The following RAD51B variants were observed in gnomAD, a reference collection of about 807,000 sequenced individuals.
RAD51B encodes RAD51 paralog B.
RAD51B carries 38 observed loss-of-function variants against 42.2 expected under a neutral mutation model. The ratio of observed to expected loss-of-function variants is 0.90; its 90% confidence interval spans 0.70 to 1.18. RAD51B has a LOEUF of 1.18. Among genes scored for constraint, RAD51B ranks in the 50% most tolerant of loss-of-function variants. RAD51B has a pLI of 0.00. For synonymous variants in RAD51B, 154 were observed against 145.2 expected (o/e 1.06, Z -0.43); for missense variants, 373 against 400.7 (o/e 0.93, Z 0.59).
chr14:67,907,392 T>G (rs2043812844), intron 7 of RAD51B, among the ~76,000 whole-genome samples: 1 of 152,106 alleles, frequency 6.6e-6, no homozygotes, highest in East Asian at 1.9e-4. Flanking sequence ...TTATAAAATA[T>G]AGTACCTTAA....
intron 7 of RAD51B, among the ~76,000 whole-genome samples, chr14:67,904,369 G>A (rs1452768095): frequency 1.3e-5 from 2 of 152,094 alleles, no homozygotes; most frequent in Middle Eastern, 3.4e-3. Flanking sequence ...CCTACCAACA[G>A]TGTATAAGCA....
chr14:68,050,268 TTTTTC>T (rs147245086), intron 7 of RAD51B, among the ~76,000 whole-genome samples: 6 of 150,764 alleles, frequency 4.0e-5, no homozygotes, highest in East Asian at 1.9e-4. Context: ...TCTCTTTTCT[TTTTTC>T]TTTTCTTTTC....
chr14:68,093,658 G>T (rs1432262927), intron 7 of RAD51B, among the ~76,000 whole-genome samples: 1 of 152,046 alleles, frequency 6.6e-6, no homozygotes, highest in Non-Finnish European at 1.5e-5. Flanking sequence ...CCAGCTCCTG[G>T]ATTCATTGAT....
chr14:68,108,220 A>G (rs1285561870), intron 7 of RAD51B, among the ~76,000 whole-genome samples: 7 of 152,068 alleles, frequency 4.6e-5, no homozygotes, highest in Middle Eastern at 3.4e-3. Flanking sequence ...CACATTCCTC[A>G]AAAAGTTAAA....
At chr14:68,082,394 A>G (rs1476085621) in intron 7 of RAD51B, among the ~76,000 whole-genome samples, 2 of 152,148 alleles carry the variant, frequency 1.3e-5, no homozygotes, top group Admixed American at 6.5e-5. Flanking sequence ...AAGCCATCTG[A>G]TTAGCCCCCT....
intron 11 of RAD51B, among the ~76,000 whole-genome samples, chr14:68,660,408 A>G (rs1213803618): frequency 6.6e-6 from 1 of 152,230 alleles, no homozygotes; most frequent in Non-Finnish European, 1.5e-5. Context: ...ATTTGTGAGA[A>G]GCTTGGATAA....
At chr14:67,894,831 G>C (rs1284028295) in intron 7 of RAD51B, among the ~76,000 whole-genome samples, 1 of 152,124 alleles carries the variant, frequency 6.6e-6, no homozygotes, top group Non-Finnish European at 1.5e-5. Flanking sequence ...CCAGGCAGGA[G>C]TGCAATGGCG....
intron 9 of RAD51B, among the ~76,000 whole-genome samples, chr14:68,424,391 G>T (rs1277585613): frequency 1.3e-5 from 2 of 152,104 alleles, no homozygotes; most frequent in African/African-American, 4.8e-5. Flanking sequence ...GTTTTGGTTT[G>T]TTTGTTTTGT....
intron 1 of RAD51B, chr14:67,822,435 A>C (rs1159708444): frequency 6.6e-6 from 1 of 152,214 alleles, no homozygotes; most frequent in African/African-American, 2.4e-5. Flanking sequence ...CCAGCACTTT[A>C]GGAGGTCAAG....
At chr14:68,677,337 T>G (rs1893331564) in intron 11 of RAD51B, among the ~76,000 whole-genome samples, 1 of 152,194 alleles carries the variant, frequency 6.6e-6, no homozygotes, top group African/African-American at 2.4e-5. Flanking sequence ...AGAGATTCCT[T>G]GCGCACCCTG....
At chr14:68,171,964 C>T (rs879400668) in intron 7 of RAD51B, among the ~76,000 whole-genome samples, 1 of 152,206 alleles carries the variant, frequency 6.6e-6, no homozygotes, top group Non-Finnish European at 1.5e-5. Context: ...ACCTCAGCCT[C>T]CCAAAGTGCT....
chr14:68,313,931 T>C (rs1049995184), intron 8 of RAD51B, among the ~76,000 whole-genome samples: 40 of 34,374 alleles, frequency 1.2e-3, no homozygotes, highest in Non-Finnish European at 3.2e-3. Context: ...AGGAAGGAGC[T>C]AAAGACCCCG....
intron 7 of RAD51B, among the ~76,000 whole-genome samples, chr14:68,177,921 A>G (rs1033152136): frequency 2.0e-5 from 3 of 152,198 alleles, no homozygotes; most frequent in Non-Finnish European, 4.4e-5. Flanking sequence ...TAACAGCTCA[A>G]TGCACATGAC....
chr14:68,018,705 A>T (rs1380183393), intron 7 of RAD51B, among the ~76,000 whole-genome samples: 2 of 152,222 alleles, frequency 1.3e-5, no homozygotes, highest in African/African-American at 4.8e-5. Flanking sequence ...CCACTCAAAC[A>T]GTACTCATAA....
chr14:68,517,783 T>C (rs17105760), intron 10 of RAD51B, among the ~76,000 whole-genome samples: 5,331 of 152,156 alleles, frequency 0.035, 291 homozygotes, highest in African/African-American at 0.12. Flanking sequence ...AGAAAGGCGT[T>C]TTATTTAAGG....
chr14:67,870,871 A>G (rs113379178), intron 5 of RAD51B, among the ~76,000 whole-genome samples: 6 of 128,950 alleles, frequency 4.7e-5, no homozygotes, highest in Admixed American at 3.0e-4. Flanking sequence ...AGAAATAAAG[A>G]TGTTCTTTGA....
intron 10 of RAD51B, among the ~76,000 whole-genome samples, chr14:68,587,438 C>G (rs1890542320): frequency 6.6e-6 from 1 of 152,134 alleles, no homozygotes; most frequent in Non-Finnish European, 1.5e-5. Flanking sequence ...TGGAGCAGAA[C>G]CAGGAACCCA....
At chr14:67,846,672 C>T (rs2140319554) in intron 4 of RAD51B, among the ~76,000 whole-genome samples, 1 of 152,306 alleles carries the variant, frequency 6.6e-6, no homozygotes, top group South Asian at 2.1e-4. Flanking sequence ...CGAGGGTACA[C>T]TGCAAGTGTG....
intron 7 of RAD51B, among the ~76,000 whole-genome samples, chr14:68,122,449 A>G (rs1360776862): frequency 6.6e-6 from 1 of 152,196 alleles, no homozygotes; most frequent in East Asian, 1.9e-4. Flanking sequence ...TGCTTTTAAA[A>G]TTTAAGAAAA....
Sources: gnomAD v4.1 joint callset for allele counts (sites outside exome capture counted in the v4.1 genomes callset) on GRCh38, gnomAD v4.1.1 for gene constraint, MANE v1.5 for transcripts, NCBI Gene and HGNC (gene_info 2026-07-23, HGNC 2026-07-21) for gene names.